NEB: variants seen among roughly 807,000 people sequenced by gnomAD.
The protein encoded by NEB is nemaline myopathy type 2.
Under a neutral mutation model 952.2 loss-of-function variants are expected in NEB, and 512 were observed. That is an observed-to-expected ratio of 0.54 (90% confidence interval 0.50 to 0.58). The LOEUF (loss-of-function observed/expected upper bound fraction) is 0.58, where lower values mean the gene tolerates loss of function less well. NEB is among the 20% of genes least tolerant of loss of function. The pLI is 0.00. For missense variants in NEB, 8,428 were observed against 9,231.1 expected (o/e 0.91, Z 3.56); for synonymous variants, 2,900 against 3,149.8 (o/e 0.92, Z 2.66).
At chr2:151,541,648 G>T in intron 135 of NEB, 97 bp from the exon 136 acceptor site, 1 of 888,100 alleles carries the variant, frequency 1.1e-6, no homozygotes, top group Non-Finnish European at 1.8e-6. Flanking sequence ...AAAGGCAGGA[G>T]CCCTCCCACT....
Position 151,567,454 on chromosome 2 carries a change from T to G in NEB, c.17870A>C (p.Lys5957Thr), listed in dbSNP as rs1331015423. Residue 5957 changes from lysine to threonine, a missense_variant, in exon 114 of 182, where the codon AAG becomes ACG. Physicochemically the swap from Lys to Thr is moderately conservative, Grantham distance 78. Coordinates refer to ENST00000397345, the MANE Select transcript of NEB (RefSeq NM_001164508.2). ...GACACCAACATAATGACCTTTTTGC[T>G]TCACATGTTCAGCTTTGTATTTCAG... ...SELKYKAEHV[K>T]QKGHYVGVPT... 2 of 1,611,932 alleles carry G rather than the reference T, an allele frequency of 1.2e-6. No homozygotes were observed. The highest frequency in any genetic ancestry group is 1.7e-6 in the Non-Finnish European group (2 of 1,178,810).
In NEB at chr2:151,501,419, A is replaced by C. The variant is rs2064444087; in HGVS notation, c.23993T>G (p.Val7998Gly). Residue 7998 changes from valine (V) to glycine (G), a missense_variant, in exon 168 of 182, where the codon GTC (valine) becomes GGC (glycine). Around this residue, in one of 11 missense-constraint regions of NEB, gnomAD observed 3,374 missense variants for 3,651.5 expected, o/e 0.92. Transcript: ENST00000397345. ...PLPVTPEMER[V>G]KLNQENFSSV... ...GCTAAAGTTTTCTTGATTGAGTTTGACTCGCTCCATCTCAGGAGTGACAGG... is the reference window on the plus strand; with the variant it reads ...GCTAAAGTTTTCTTGATTGAGTTTGCCTCGCTCCATCTCAGGAGTGACAGG... 1 of 1,548,938 alleles carries C rather than the reference A, an allele frequency of 6.5e-7. No homozygotes were observed. The highest frequency in any genetic ancestry group is 1.4e-5 in the African/African-American group (1 of 72,982).
In NEB at chr2:151,546,579, A is replaced by G. The variant is rs1247219076; in HGVS notation, c.20368-136T>C. On this transcript the variant is annotated intron_variant, in intron 133 of 181. Coordinates refer to ENST00000397345, the MANE Select transcript of NEB (RefSeq NM_001164508.2). ...CTACTTTTTTTTTTTTTTTTTTGAG[A>G]CAGAGTTTCATTCTTGTTGCCCAGG... 7.2e-5 allele frequency: 38 copies of G among 530,778 alleles called. No homozygotes were observed. The African/African-American group carries it at 7.5e-4, about 10-fold the overall frequency. 32.9% of individuals were successfully genotyped at this position (530,778 alleles called of 1,614,324 possible).
intron 27 of NEB, among the ~76,000 whole-genome samples, chr2:151,687,193 A>AT (rs35676677): frequency 6.6e-6 from 1 of 152,190 alleles, no homozygotes; most frequent in Non-Finnish European, 1.5e-5. Context: ...TAATGCATAC[A>AT]TTTTTCAAAG....
intron 10 of NEB, among the ~76,000 whole-genome samples, chr2:151,711,874 G>A (rs1286065410): frequency 1.1e-4 from 16 of 152,184 alleles, no homozygotes; most frequent in Admixed American, 1.0e-3. Flanking sequence ...TATGTGCGGG[G>A]AGGGAACAAC....
At chr2:151,670,970 T>C in intron 38 of NEB, 53 bp downstream of exon 38, 1 of 1,535,294 alleles carries the variant, frequency 6.5e-7, no homozygotes, top group Non-Finnish European at 9.0e-7. Flanking sequence ...GAGGAGCGGC[T>C]CAGACACGTG....
intron 145 of NEB, among the ~76,000 whole-genome samples, chr2:151,530,187 C>T (rs2089858238): frequency 6.6e-6 from 1 of 152,262 alleles, no homozygotes; most frequent in Non-Finnish European, 1.5e-5. Context: ...AGCAATCATT[C>T]TGCCTTTTAA....
intron 72 of NEB, among the ~76,000 whole-genome samples, chr2:151,620,148 T>C (rs1215080421): frequency 2.0e-5 from 3 of 151,840 alleles, no homozygotes; most frequent in Admixed American, 6.6e-5. Context: ...AGAAGTAATT[T>C]CCTCTTCACA....
At chr2:151,574,325 T>C (rs2096756248) in intron 107 of NEB, among the ~76,000 whole-genome samples, 1 of 152,232 alleles carries the variant, frequency 6.6e-6, no homozygotes, top group Non-Finnish European at 1.5e-5. Context: ...CTCACTCACT[T>C]AGCCAATACT....
rs768102065 is a variant in NEB, at chr2:151,627,607, G to A, written c.10059C>T (p.Tyr3353=). The change falls in exon 69 of 182, where the codon TAC becomes TAT. Residue 3353 remains tyrosine, a synonymous_variant. Transcript: ENST00000397345. ...ACGTCCACTCGTGCAGGTAGTTCTTGTAGTCCACATCGCTGACTAAGGTCT... is the reference window on the plus strand; with the variant it reads ...ACGTCCACTCGTGCAGGTAGTTCTTATAGTCCACATCGCTGACTAAGGTCT... ...KCQTLVSDVD[Y]KNYLHEWTCL... is the part of the protein sequence containing the mutation. 7 of 1,613,878 alleles carry A rather than the reference G, an allele frequency of 4.3e-6. No individual in the cohort carries two copies. In the African/African-American group the frequency reaches 8.0e-5, roughly 18 times the overall value.
chr2:151,512,131 C>T (rs868169252), intron 161 of NEB, among the ~76,000 whole-genome samples: 13 of 149,196 alleles, frequency 8.7e-5, no homozygotes, highest in South Asian at 2.1e-4. Context: ...CCCGGGTTCA[C>T]GCCATTCTCC....
intron 60 of NEB, among the ~76,000 whole-genome samples, chr2:151,641,094 C>T (rs376723012): frequency 3.3e-5 from 5 of 151,654 alleles, no homozygotes; most frequent in African/African-American, 7.3e-5. Context: ...AGATAAGTAC[C>T]GCAGATTCAA....
chr2:151,525,833 C>T, intron 150 of NEB, 125 bp downstream of exon 150: 1 of 799,458 alleles, frequency 1.3e-6, no homozygotes, highest in Non-Finnish European at 2.2e-6. Flanking sequence ...TTAAGATTCA[C>T]ATGTAGATAT....
intron 107 of NEB, among the ~76,000 whole-genome samples, chr2:151,573,053 G>C (rs879300569): frequency 2.0e-5 from 3 of 152,120 alleles, no homozygotes; most frequent in Non-Finnish European, 2.9e-5. Context: ...ACGTGAATTT[G>C]CTTTGTTACC....
chr2:151,639,015 T>C (rs1432666724), intron 63 of NEB, among the ~76,000 whole-genome samples: 1 of 152,108 alleles, frequency 6.6e-6, no homozygotes, highest in Non-Finnish European at 1.5e-5. Flanking sequence ...TATCCTAACT[T>C]CAAAAAAATA....
intron 24 of NEB, chr2:151,689,309 AT>A (rs1248695936): frequency 7.0e-6 from 1 of 142,684 alleles, no homozygotes; most frequent in East Asian, 2.1e-4. Flanking sequence ...GGCTCAAGTG[AT>A]CCTCCCACCT....
At chr2:151,688,967 C>G (rs776132319) in intron 24 of NEB, among the ~76,000 whole-genome samples, 43 of 152,082 alleles carry the variant, frequency 2.8e-4, no homozygotes, top group Non-Finnish European at 5.4e-4. Flanking sequence ...TGGTTGACTG[C>G]AGGTAACTGA....
chr2:151,666,079 C>T lies in NEB; in HGVS notation c.5031+11G>A, dbSNP rs2154178664. ...TTAGAAATGGATAACAACTTGGTAA[C>T]CAGTACATACATCACTCTGAATCTG... On this transcript the variant is annotated intron_variant, in intron 41 of 181. Transcript: ENST00000397345. The T allele has an allele frequency of 6.2e-7, 1 of 1,600,820 alleles. No homozygotes were observed. The highest frequency in any genetic ancestry group is 2.2e-5 in the East Asian group (1 of 44,690).
chr2:151,485,708 A>G lies in NEB; in HGVS notation c.*52T>C. 1.3e-6 allele frequency: 2 copies of G among 1,534,216 alleles called. No individual in the cohort carries two copies. Among genetic ancestry groups the G allele is most frequent in the Non-Finnish European group, 1.8e-6 (2 of 1,133,776 alleles). ...AACAGTGGAGAGTCTAAACCGAAACATTGACTGCAGGATCTGTAAGTCCTG... is the reference window on the plus strand; with the variant it reads ...AACAGTGGAGAGTCTAAACCGAAACGTTGACTGCAGGATCTGTAAGTCCTG... On this transcript the variant is annotated 3_prime_UTR_variant, in exon 182 of 182. Transcript: ENST00000397345.
Sources: allele counts gnomAD v4.1 joint callset (sites outside exome capture counted in the v4.1 genomes callset), GRCh38; gene constraint gnomAD v4.1.1; regional missense constraint gnomAD v4.1.1; transcripts MANE v1.5; gene names NCBI Gene and HGNC (gene_info 2026-07-23, HGNC 2026-07-21).